COBL: variants seen among roughly 807,000 people sequenced by gnomAD.
COBL encodes the protein protein cordon-bleu.
COBL carries 51 observed loss-of-function variants against 98.8 expected under a neutral mutation model. The ratio of observed to expected loss-of-function variants is 0.52; its 90% CI spans 0.41 to 0.65. The LOEUF (loss-of-function observed/expected upper bound fraction) is 0.65. Among genes scored for constraint, COBL ranks in the 30% least tolerant of loss-of-function variants. The pLI, the probability that COBL is intolerant of heterozygous loss-of-function variation, is 0.00. For missense variants in COBL, 1,617 were observed against 1,617.5 expected (o/e 1.00, Z 0.01); for synonymous variants, 634 against 651.7 (o/e 0.97, Z 0.41).
intron 6 of COBL, among the ~76,000 whole-genome samples, chr7:51,115,333 T>C (rs927455281): frequency 6.6e-6 from 1 of 151,842 alleles, no homozygotes; most frequent in Non-Finnish European, 1.5e-5. Flanking sequence ...TTTGTTCTAC[T>C]TTTTTTTAGC....
chr7:51,153,291 TTTA>T (rs553053525), intron 5 of COBL, among the ~76,000 whole-genome samples: 293 of 152,338 alleles, frequency 1.9e-3, no homozygotes, highest in African/African-American at 6.6e-3. Flanking sequence ...TTAATTTTGC[TTTA>T]TTGTTACCAA....
chr7:51,118,183 C>G (rs10254236), intron 6 of COBL, among the ~76,000 whole-genome samples: 83,785 of 151,968 alleles, frequency 0.55, 23,448 homozygotes, highest in African/African-American at 0.65. Context: ...AATCTATTGA[C>G]TACTGTATTA....
chr7:51,275,792 G>C (rs1799262791), intron 1 of COBL, among the ~76,000 whole-genome samples: 1 of 152,236 alleles, frequency 6.6e-6, no homozygotes, highest in Non-Finnish European at 1.5e-5. Flanking sequence ...TCCCCTCACA[G>C]TGGAAAATCA....
At chr7:51,102,344 A>C (rs1156803934) in intron 6 of COBL, among the ~76,000 whole-genome samples, 3 of 152,136 alleles carry the variant, frequency 2.0e-5, no homozygotes, top group Non-Finnish European at 4.4e-5. Flanking sequence ...TTGGTCTCAT[A>C]ATCTCATTGT....
intron 1 of COBL, among the ~76,000 whole-genome samples, chr7:51,237,538 T>TAAA (rs5884200): frequency 0.36 from 47,690 of 132,322 alleles, 9,153 homozygotes; most frequent in Non-Finnish European, 0.44. Context: ...TTTTTTTTCT[T>TAAA]AAAAAAAAAA....
At chr7:51,020,605 A>T (rs918761111) in intron 12 of COBL, among the ~76,000 whole-genome samples, 1 of 152,248 alleles carries the variant, frequency 6.6e-6, no homozygotes, top group Non-Finnish European at 1.5e-5. Flanking sequence ...TCAGACGCAT[A>T]CAGCTTTGCC....
intron 6 of COBL, among the ~76,000 whole-genome samples, chr7:51,132,684 A>G (rs1798863404): frequency 6.6e-6 from 1 of 152,204 alleles, no homozygotes; most frequent in Non-Finnish European, 1.5e-5. Context: ...AAAGGGTTTA[A>G]TTGGCTCATG....
intron 11 of COBL, among the ~76,000 whole-genome samples, chr7:51,025,666 C>G (rs1409090917): frequency 2.0e-5 from 3 of 152,208 alleles, no homozygotes; most frequent in Non-Finnish European, 2.9e-5. Context: ...CTTTGAGCAT[C>G]CAGAACTGTG....
intron 1 of COBL, among the ~76,000 whole-genome samples, chr7:51,270,708 T>C (rs1798675283): frequency 6.6e-6 from 1 of 152,072 alleles, no homozygotes; most frequent in Non-Finnish European, 1.5e-5. Context: ...ATACGGACAC[T>C]AAAGTTATGC....
At chr7:51,232,541 G>C (rs577462270) in intron 1 of COBL, among the ~76,000 whole-genome samples, 1 of 152,312 alleles carries the variant, frequency 6.6e-6, no homozygotes, top group African/African-American at 2.4e-5. Flanking sequence ...GCCAGGCACG[G>C]TGGCTCACAC....
At chr7:51,203,393 C>T (rs1437138515) in intron 2 of COBL, among the ~76,000 whole-genome samples, 8 of 102,204 alleles carry the variant, frequency 7.8e-5, no homozygotes, top group Non-Finnish European at 1.1e-4. Context: ...ACCCGGGAGG[C>T]GGAGCTTGCA....
At chr7:51,135,394 G>A (rs1347358421) in intron 6 of COBL, among the ~76,000 whole-genome samples, 1 of 152,152 alleles carries the variant, frequency 6.6e-6, no homozygotes, top group Non-Finnish European at 1.5e-5. Flanking sequence ...GAGACCCAGG[G>A]ATAAAGAACA....
chr7:51,168,273 G>A (rs539275878), intron 5 of COBL, among the ~76,000 whole-genome samples: 2 of 151,976 alleles, frequency 1.3e-5, no homozygotes, highest in African/African-American at 2.4e-5. Flanking sequence ...TGTAGCTTAC[G>A]CCTGTACTCC....
intron 7 of COBL, among the ~76,000 whole-genome samples, chr7:51,070,425 A>ACACACACACACACACACAC (rs57774327): frequency 1.4e-4 from 21 of 151,842 alleles, no homozygotes; most frequent in South Asian, 4.2e-4. Flanking sequence ...ACACACACAC[A>ACACACACACACACACACAC]AAATTCCGAG....
chr7:51,188,379 C>T (rs1210250114), intron 4 of COBL, among the ~76,000 whole-genome samples: 1 of 152,228 alleles, frequency 6.6e-6, no homozygotes, highest in Non-Finnish European at 1.5e-5. Flanking sequence ...CTGCCCAGGG[C>T]GGTTGTAGGG....
intron 5 of COBL, among the ~76,000 whole-genome samples, chr7:51,163,074 C>G (rs563494706): frequency 1.4e-3 from 216 of 152,310 alleles, no homozygotes; most frequent in Non-Finnish European, 2.6e-3. Context: ...ACAGCCCAGA[C>G]AGTGAACTAA....
At chr7:51,053,221 A>T (rs1185262420) in intron 7 of COBL, among the ~76,000 whole-genome samples, 1 of 152,234 alleles carries the variant, frequency 6.6e-6, no homozygotes, top group Non-Finnish European at 1.5e-5. Flanking sequence ...ATACTGACAC[A>T]AAAAGCTGCC....
chr7:51,266,434 T>C (rs1382174575), intron 1 of COBL, among the ~76,000 whole-genome samples: 3 of 152,112 alleles, frequency 2.0e-5, no homozygotes, highest in African/African-American at 7.2e-5. Flanking sequence ...CAAAATTAGC[T>C]GGGCATGGTG....
chr7:51,097,640 T>C (rs1010167360), intron 6 of COBL, among the ~76,000 whole-genome samples: 1 of 152,190 alleles, frequency 6.6e-6, no homozygotes, highest in Admixed American at 6.5e-5. Context: ...TCAGTTTTGT[T>C]TTTATACACT....
Sources: gnomAD v4.1 joint callset for allele counts (sites outside exome capture counted in the v4.1 genomes callset) on GRCh38, gnomAD v4.1.1 for gene constraint, MANE v1.5 for transcripts, NCBI Gene and HGNC (gene_info 2026-07-23, HGNC 2026-07-21) for gene names.